SLC24A3: variants seen among roughly 807,000 people sequenced by gnomAD.
SLC24A3 encodes solute carrier family 24 member 3.
In SLC24A3, 28 loss-of-function variants were observed where a neutral mutation model predicts 75.8. That is an observed-to-expected ratio of 0.37 (90% CI 0.27 to 0.51). The LOEUF (loss-of-function observed/expected upper bound fraction) is 0.51. Among genes scored for constraint, SLC24A3 ranks in the 20% least tolerant of loss-of-function variants. SLC24A3 has a pLI of 0.94. For synonymous variants in SLC24A3, 372 were observed against 334.1 expected (o/e 1.11, Z -1.24); for missense variants, 663 against 847.8 (o/e 0.78, Z 2.71).
At chr20:19,408,390 CTTT>C (rs1219522685) in intron 2 of SLC24A3, among the ~76,000 whole-genome samples, 3 of 137,034 alleles carry the variant, frequency 2.2e-5, no homozygotes, top group Admixed American at 7.3e-5. Context: ...ATTAAAAATA[CTTT>C]TTTTTTTTTT....
At chr20:19,549,674 C>T (rs1282983684) in intron 3 of SLC24A3, among the ~76,000 whole-genome samples, 3 of 152,152 alleles carry the variant, frequency 2.0e-5, no homozygotes, top group Non-Finnish European at 2.9e-5. Flanking sequence ...ATCCCAGCTA[C>T]TCAGGAGGCT....
At chr20:19,696,596 T>C (rs1000023847) in intron 13 of SLC24A3, 4 of 473,876 alleles carry the variant, frequency 8.4e-6, no homozygotes, top group Non-Finnish European at 1.5e-5. Context: ...TTGGGTCCTA[T>C]TACAGCACCG....
chr20:19,409,345 T>A lies in SLC24A3; in HGVS notation c.272-106143T>A, dbSNP rs114954963. ...GTGGGTTCAGGAAGCAAAACATGAG[T>A]GCAGATGTTGACACTGAAGGGTCTA... On this transcript the variant is annotated intron_variant, in intron 2 of 16. Transcript: ENST00000328041. 2.8e-3 allele frequency among the ~76,000 whole-genome samples: 426 copies of A among 152,076 alleles called. 2 individuals carry two copies. The highest frequency in any genetic ancestry group is 9.8e-3 in the African/African-American group (407 of 41,488).
intron 2 of SLC24A3, among the ~76,000 whole-genome samples, chr20:19,304,169 T>C (rs1984265272): frequency 6.6e-6 from 1 of 152,224 alleles, no homozygotes; most frequent in African/African-American, 2.4e-5. Flanking sequence ...CTTTAATACA[T>C]AGGCTTTGAA....
At chr20:19,472,729 C>T (rs557711188) in intron 2 of SLC24A3, among the ~76,000 whole-genome samples, 6 of 152,278 alleles carry the variant, frequency 3.9e-5, no homozygotes, top group African/African-American at 1.2e-4. Context: ...GTTGGATGAA[C>T]GGGATTGTGG....
At chr20:19,260,584 A>T (rs1982951401) in intron 1 of SLC24A3, among the ~76,000 whole-genome samples, 1 of 152,252 alleles carries the variant, frequency 6.6e-6, no homozygotes, top group African/African-American at 2.4e-5. Flanking sequence ...ACTGAAAATG[A>T]AAGAACTCGA....
intron 2 of SLC24A3, among the ~76,000 whole-genome samples, chr20:19,321,879 G>C (rs909216984): frequency 6.6e-6 from 1 of 152,044 alleles, no homozygotes; most frequent in Non-Finnish European, 1.5e-5. Flanking sequence ...TTGCATTTTA[G>C]AAAATCTCCT....
At chr20:19,636,666 T>A (rs1370154782) in intron 6 of SLC24A3, among the ~76,000 whole-genome samples, 1 of 152,154 alleles carries the variant, frequency 6.6e-6, no homozygotes, top group African/African-American at 2.4e-5. Flanking sequence ...TCAGCCTTCC[T>A]GTTTGGAGGA....
chr20:19,577,641 T>G (rs949405242), intron 3 of SLC24A3, among the ~76,000 whole-genome samples: 1 of 152,340 alleles, frequency 6.6e-6, no homozygotes, highest in South Asian at 2.1e-4. Context: ...CTATTTTGAT[T>G]AATGGCCTTA....
chr20:19,478,296 T>C (rs1987995669), intron 2 of SLC24A3, among the ~76,000 whole-genome samples: 1 of 152,212 alleles, frequency 6.6e-6, no homozygotes, highest in Non-Finnish European at 1.5e-5. Flanking sequence ...TCTTTAGGGC[T>C]CTATTTTTAT....
At chr20:19,510,580 G>T (rs1487277444) in intron 2 of SLC24A3, among the ~76,000 whole-genome samples, 7 of 152,200 alleles carry the variant, frequency 4.6e-5, no homozygotes, top group African/African-American at 1.7e-4. Flanking sequence ...TTGGAGATGG[G>T]ACCTTTGGGA....
chr20:19,346,480 A>G (rs1985432958), intron 2 of SLC24A3, among the ~76,000 whole-genome samples: 1 of 151,044 alleles, frequency 6.6e-6, no homozygotes, highest in Non-Finnish European at 1.5e-5. Flanking sequence ...ACTCAGCCAT[A>G]AAAAGGAATG....
chr20:19,717,727 T>C (rs2033058717), intron 16 of SLC24A3, 134 bp downstream of exon 16: 2 of 942,030 alleles, frequency 2.1e-6, no homozygotes, highest in Non-Finnish European at 3.3e-6. Context: ...CCTGGCTCTT[T>C]CTTCTAGAAG....
chr20:19,711,571 C>T (rs989346061), intron 15 of SLC24A3, among the ~76,000 whole-genome samples: 11 of 152,218 alleles, frequency 7.2e-5, no homozygotes, highest in African/African-American at 2.2e-4. Flanking sequence ...AACGCACACA[C>T]GTGCATGCTC....
chr20:19,614,677 A>G (rs1364246077), intron 6 of SLC24A3, among the ~76,000 whole-genome samples: 1 of 152,214 alleles, frequency 6.6e-6, no homozygotes, highest in Non-Finnish European at 1.5e-5. Context: ...TAGCGTTGGG[A>G]GAGTGCACTC....
At chr20:19,488,225 A>G (rs3790226) in intron 2 of SLC24A3, among the ~76,000 whole-genome samples, 67,754 of 152,156 alleles carry the variant, frequency 0.45, 15,561 homozygotes, top group African/African-American at 0.55. Context: ...CCTCAGCAGT[A>G]CTAGGCAGAG....
intron 2 of SLC24A3, among the ~76,000 whole-genome samples, chr20:19,454,598 T>C (rs574493483): frequency 2.2e-4 from 33 of 152,326 alleles, no homozygotes; most frequent in African/African-American, 5.8e-4. Flanking sequence ...TTTTTACAAA[T>C]GATAGAGACT....
chr20:19,457,852 T>C (rs1015160486), intron 2 of SLC24A3, among the ~76,000 whole-genome samples: 7 of 152,162 alleles, frequency 4.6e-5, no homozygotes, highest in Non-Finnish European at 1.5e-5. Context: ...TCTGCAGGAA[T>C]TACCTTCAGC....
At chr20:19,501,642 G>T (rs1485685020) in intron 2 of SLC24A3, among the ~76,000 whole-genome samples, 2 of 152,156 alleles carry the variant, frequency 1.3e-5, no homozygotes, top group African/African-American at 4.8e-5. Flanking sequence ...TGAGCCTTGG[G>T]GCATCACCTG....
Sources: allele counts gnomAD v4.1 joint callset (sites outside exome capture counted in the v4.1 genomes callset), GRCh38; gene constraint gnomAD v4.1.1; transcripts MANE v1.5; gene names NCBI Gene and HGNC (gene_info 2026-07-23, HGNC 2026-07-21).